Variants in ZBTB7C observed in about 807,000 individuals in gnomAD.
ZBTB7C encodes the protein zinc finger and BTB domain-containing protein 7C.
Under a neutral mutation model 25.7 loss-of-function variants are expected in ZBTB7C, and 8 were observed. The observed-to-expected ratio is 0.31, with a 90% CI of 0.18 to 0.56. ZBTB7C has a LOEUF of 0.56. Ranked by LOEUF, ZBTB7C falls within the 20% of genes least tolerant of loss-of-function variation. The pLI, the probability that ZBTB7C is intolerant of heterozygous loss-of-function variation, is 0.91. For missense variants in ZBTB7C, 824 were observed against 855.2 expected (o/e 0.96, Z 0.46); for synonymous variants, 394 against 369.0 (o/e 1.07, Z -0.78).
chr18:48,159,677 C>T (rs1390246942), intron 3 of ZBTB7C, among the ~76,000 whole-genome samples: 1 of 152,148 alleles, frequency 6.6e-6, no homozygotes, highest in Non-Finnish European at 1.5e-5. Context: ...TTCATTTTAC[C>T]CTCTTTCTTC....
chr18:48,048,607 G>C (rs953683346), intron 3 of ZBTB7C, among the ~76,000 whole-genome samples: 1 of 152,306 alleles, frequency 6.6e-6, no homozygotes, highest in South Asian at 2.1e-4. Context: ...CACACAAATT[G>C]CCTCCTGATA....
chr18:48,360,026 T>C (rs1451508719), intron 1 of ZBTB7C, among the ~76,000 whole-genome samples: 1 of 152,214 alleles, frequency 6.6e-6, no homozygotes, highest in Non-Finnish European at 1.5e-5. Flanking sequence ...GAATTGTTCA[T>C]GAATAGACCC....
chr18:48,233,748 A>G (rs1443233114), intron 2 of ZBTB7C, among the ~76,000 whole-genome samples: 4 of 152,184 alleles, frequency 2.6e-5, no homozygotes. Context: ...TAGGTCCCAT[A>G]TTCATCTGTG....
chr18:48,093,826 C>T (rs1003242199), intron 3 of ZBTB7C, among the ~76,000 whole-genome samples: 4 of 152,140 alleles, frequency 2.6e-5, no homozygotes, highest in African/African-American at 7.2e-5. Flanking sequence ...GAGGCCAAAG[C>T]GGGTAGATCA....
chr18:48,367,202 T>TATACACACACACAC (rs1302394192), intron 1 of ZBTB7C, among the ~76,000 whole-genome samples: 1 of 63,398 alleles, frequency 1.6e-5, no homozygotes, highest in African/African-American at 6.2e-5. Context: ...TATATATATA[T>TATACACACACACAC]ACACACACAC....
chr18:48,253,914 T>C (rs1399040941), intron 2 of ZBTB7C, among the ~76,000 whole-genome samples: 3 of 152,180 alleles, frequency 2.0e-5, no homozygotes, highest in Non-Finnish European at 4.4e-5. Flanking sequence ...TGCATCCCCA[T>C]TGTTCCAATA....
chr18:48,304,477 C>CG (rs765972730), intron 2 of ZBTB7C, among the ~76,000 whole-genome samples: 2 of 152,140 alleles, frequency 1.3e-5, no homozygotes, highest in Non-Finnish European at 2.9e-5. Flanking sequence ...GAGTTCGAGA[C>CG]CAGCCTGGCC....
chr18:48,284,263 T>C (rs1266720731), intron 2 of ZBTB7C, among the ~76,000 whole-genome samples: 2 of 152,104 alleles, frequency 1.3e-5, no homozygotes, highest in African/African-American at 4.8e-5. Context: ...TTGAGCAATA[T>C]AGATCTTGTC....
At chr18:48,039,220 C>T (rs2144136943) in intron 4 of ZBTB7C, among the ~76,000 whole-genome samples, 1 of 152,298 alleles carries the variant, frequency 6.6e-6, no homozygotes, top group Non-Finnish European at 1.5e-5. Flanking sequence ...TAAAAAGAGG[C>T]CCAGCCTTTA....
At chr18:48,315,036 G>C (rs942433411) in intron 2 of ZBTB7C, among the ~76,000 whole-genome samples, 7 of 152,186 alleles carry the variant, frequency 4.6e-5, no homozygotes, top group African/African-American at 1.7e-4. Flanking sequence ...TCTGTCCTCT[G>C]TTCGGGCTGT....
intron 3 of ZBTB7C, among the ~76,000 whole-genome samples, chr18:48,084,775 T>A (rs2038130561): frequency 6.6e-6 from 1 of 152,156 alleles, no homozygotes; most frequent in Non-Finnish European, 1.5e-5. Flanking sequence ...AGTAAGTATG[T>A]TGAGTTTGAA....
chr18:48,045,968 G>T (rs995957604), intron 3 of ZBTB7C, among the ~76,000 whole-genome samples: 4 of 152,232 alleles, frequency 2.6e-5, no homozygotes, highest in African/African-American at 9.6e-5. Flanking sequence ...CAACTTGCTA[G>T]TTGAATGGGT....
chr18:48,168,248 G>C lies in ZBTB7C; in HGVS notation c.-17+17686C>G, dbSNP rs748777676. On this transcript the variant is annotated intron_variant, in intron 3 of 4. Coordinates refer to ENST00000590800, the MANE Select transcript of ZBTB7C (RefSeq NM_001318841.2). ...CCCTGCAAAGAGGTCCTTGGAAAAG[G>C]CTTACTTGCTGCAAGGCAACCTCCT... Among the ~76,000 whole-genome samples, 122 of 152,344 alleles carry C rather than the reference G, an allele frequency of 8.0e-4. 1 individual carries two copies. Among genetic ancestry groups the C allele is most frequent in the Non-Finnish European group, 1.7e-3 (114 of 68,042 alleles).
At chr18:48,410,235 CG>C (rs1401341648), upstream of ZBTB7C, among the ~76,000 whole-genome samples, 1 of 152,094 alleles carries the variant, frequency 6.6e-6, no homozygotes. Flanking sequence ...TGCCGCACCC[CG>C]GGGCGCCGAA....
At chr18:48,348,402 C>T (rs2046789075) in intron 1 of ZBTB7C, among the ~76,000 whole-genome samples, 1 of 152,252 alleles carries the variant, frequency 6.6e-6, no homozygotes, top group Non-Finnish European at 1.5e-5. Flanking sequence ...TCACCTACCT[C>T]ATTCCAAAGT....
At chr18:48,140,435 T>TAA (rs1308930176) in intron 3 of ZBTB7C, among the ~76,000 whole-genome samples, 1 of 152,190 alleles carries the variant, frequency 6.6e-6, no homozygotes, top group Admixed American at 6.5e-5. Context: ...TTTTACAACT[T>TAA]GTTTAAGGTC....
At chr18:48,258,798 A>G (rs1267711257) in intron 2 of ZBTB7C, among the ~76,000 whole-genome samples, 10 of 132,762 alleles carry the variant, frequency 7.5e-5, no homozygotes, top group African/African-American at 3.3e-4. Context: ...AACTGGGATT[A>G]CAGGCGCACA....
chr18:48,387,378 C>T (rs1238545026), intron 1 of ZBTB7C, among the ~76,000 whole-genome samples: 4 of 152,158 alleles, frequency 2.6e-5, no homozygotes, highest in Non-Finnish European at 5.9e-5. Flanking sequence ...AAACCAGCCT[C>T]CACTTTAATA....
intron 2 of ZBTB7C, among the ~76,000 whole-genome samples, chr18:48,235,180 G>A (rs2145367143): frequency 6.6e-6 from 1 of 152,132 alleles, no homozygotes; most frequent in African/African-American, 2.4e-5. Context: ...ATGACTAATA[G>A]AGATATACAT....
Sources: allele counts gnomAD v4.1 joint callset (sites outside exome capture counted in the v4.1 genomes callset), GRCh38; gene constraint gnomAD v4.1.1; transcripts MANE v1.5; gene names NCBI Gene and HGNC (gene_info 2026-07-23, HGNC 2026-07-21).